SENP7: variants seen among roughly 807,000 people sequenced by gnomAD.
SENP7 encodes SUMO specific peptidase 7.
In SENP7, 64 loss-of-function variants were observed where a neutral mutation model predicts 141.2. The observed-to-expected ratio is 0.45, with a 90% confidence interval of 0.37 to 0.56. The LOEUF (loss-of-function observed/expected upper bound fraction) is 0.56, where lower values mean the gene tolerates loss of function less well. SENP7 is among the 20% of genes least tolerant of loss of function. The probability of loss-of-function intolerance (pLI) is 0.00; values close to 1 mark genes in which losing one functional copy is unlikely to be tolerated. For synonymous variants in SENP7, 382 were observed against 426.4 expected (o/e 0.90, Z 1.28); for missense variants, 1,025 against 1,212.2 (o/e 0.85, Z 2.29).
At chr3:101,342,139 T>C (rs1307586380) in intron 14 of SENP7, among the ~76,000 whole-genome samples, 3 of 152,144 alleles carry the variant, frequency 2.0e-5, no homozygotes, top group East Asian at 3.8e-4. Flanking sequence ...ATGGAAAATA[T>C]ATAAACAATA....
At chr3:101,413,485 T>C (rs774836769) in intron 5 of SENP7, among the ~76,000 whole-genome samples, 16 of 152,170 alleles carry the variant, frequency 1.1e-4, no homozygotes, top group Non-Finnish European at 2.4e-4. Context: ...ATCTCTTTCT[T>C]TTATCCAGCA....
At chr3:101,413,207 C>G (rs910987712) in intron 5 of SENP7, among the ~76,000 whole-genome samples, 5 of 151,984 alleles carry the variant, frequency 3.3e-5, no homozygotes, top group African/African-American at 1.2e-4. Context: ...AATTTTAAGT[C>G]CTGAGTAGAA....
rs766095210 is a variant in SENP7, at chr3:101,343,963, G to A, written c.1838-9C>T. On this transcript the variant is annotated splice_polypyrimidine_tract_variant and intron_variant, in intron 13 of 23. Transcript: ENST00000394095. ...GAATTCACTAGATTTTGCTACAAAA[G>A]GAAAAAATAATTTGTATCAATAGTA... 1.3e-5 allele frequency: 20 copies of A among 1,504,056 alleles called. No individual in the cohort carries two copies. The highest frequency in any genetic ancestry group is 1.3e-4 in the Admixed American group (6 of 45,642). 93.2% of individuals were successfully genotyped at this position (1,504,056 alleles called of 1,614,324 possible). A position where few individuals can be genotyped will look rare whatever the true frequency, so the allele number is the denominator to read the frequency against.
chr3:101,364,836 G>T lies in SENP7; in HGVS notation c.1474C>A (p.Gln492Lys), dbSNP rs777487611. Residue 492 changes from glutamine (Q) to lysine (K), a missense_variant and splice_region_variant, in exon 10 of 24, where the codon CAG (glutamine) becomes AAG (lysine). Physicochemically the swap from Gln to Lys is moderately conservative, Grantham distance 53. Coordinates refer to ENST00000394095, the MANE Select transcript of SENP7 (RefSeq NM_020654.5). Reference sequence around the variant, plus strand: ...ATGAGAAGACAGAAATAAATTACCTGTACAGATTCACATGTAATCAATGGT... The same window carrying T: ...ATGAGAAGACAGAAATAAATTACCTTTACAGATTCACATGTAATCAATGGT... ...ELPLITCESV[Q>K]MSSELCPYNP... is the part of the protein sequence containing the mutation. 18 of 1,580,242 alleles carry T rather than the reference G, an allele frequency of 1.1e-5. No individual in the cohort carries two copies. The Admixed American group carries it at 2.6e-4, about 23-fold the overall frequency.
intron 3 of SENP7, among the ~76,000 whole-genome samples, chr3:101,463,398 C>CACACATAT (rs1474275757): frequency 1.7e-5 from 1 of 58,694 alleles, no homozygotes; most frequent in African/African-American, 6.1e-5. Context: ...TATATATATA[C>CACACATAT]ATATATATAT....
chr3:101,498,515 C>A (rs2065246325), intron 2 of SENP7, among the ~76,000 whole-genome samples: 1 of 152,162 alleles, frequency 6.6e-6, no homozygotes, highest in Admixed American at 6.5e-5. Flanking sequence ...CTACAAAATA[C>A]TGTCCAGTTT....
chr3:101,393,942 GT>G (rs983083935), intron 6 of SENP7, among the ~76,000 whole-genome samples: 24 of 152,310 alleles, frequency 1.6e-4, no homozygotes, highest in African/African-American at 5.8e-4. Context: ...ATCACCTCAA[GT>G]ATTTATCATT....
intron 5 of SENP7, among the ~76,000 whole-genome samples, chr3:101,410,361 C>T (rs1196492939): frequency 6.6e-6 from 1 of 152,122 alleles, no homozygotes; most frequent in South Asian, 2.1e-4. Flanking sequence ...CTGTGGAAAA[C>T]AGTGCGGAGA....
chr3:101,438,100 A>T (rs748524969), intron 4 of SENP7, among the ~76,000 whole-genome samples: 1 of 152,192 alleles, frequency 6.6e-6, no homozygotes, highest in Non-Finnish European at 1.5e-5. Context: ...CCACTTCTGG[A>T]TATACACCCA....
intron 16 of SENP7, among the ~76,000 whole-genome samples, chr3:101,338,078 G>A (rs149206918): frequency 3.3e-5 from 5 of 151,400 alleles, no homozygotes; most frequent in South Asian, 2.1e-4. Context: ...ACTTGAACCC[G>A]AGAGGCAGAG....
intron 6 of SENP7, among the ~76,000 whole-genome samples, chr3:101,394,244 C>G (rs903428924): frequency 6.6e-5 from 10 of 152,118 alleles, no homozygotes; most frequent in African/African-American, 2.2e-4. Flanking sequence ...GTAATGACCT[C>G]TAGTTCCATC....
At chr3:101,501,221 T>A in intron 1 of SENP7, 102 bp from the exon 2 acceptor site, 1 of 786,490 alleles carries the variant, frequency 1.3e-6, no homozygotes, top group Non-Finnish European at 2.0e-6. Flanking sequence ...TGTTTTAAAT[T>A]AACTTGTTAG....
intron 10 of SENP7, among the ~76,000 whole-genome samples, chr3:101,362,402 C>T (rs1353654300): frequency 1.3e-5 from 2 of 152,168 alleles, no homozygotes; most frequent in Non-Finnish European, 2.9e-5. Flanking sequence ...CTCTCCAGGT[C>T]CAGTGTCACT....
Position 101,332,098 on chromosome 3 carries a change from T to C in SENP7, c.2585A>G (p.Tyr862Cys), listed in dbSNP as rs1262682304. 2 of 1,613,276 alleles carry C rather than the reference T, an allele frequency of 1.2e-6. No homozygotes were observed. Among genetic ancestry groups the C allele is most frequent in the Non-Finnish European group, 8.5e-7 (1 of 1,179,546 alleles). Residue 862 changes from tyrosine to cysteine, a missense_variant, in exon 19 of 24, where the codon TAT becomes TGT. By Grantham distance (194) the Tyr-to-Cys change is radical (BLOSUM62 -2). This residue lies in a region of SENP7 where 295 missense variants were observed against 459.1 expected (regional missense o/e 0.64). Coordinates refer to ENST00000394095, the MANE Select transcript of SENP7 (RefSeq NM_020654.5). ...FVPVNESSHW[Y>C]LAVICFPWLE... ...CCATGGAAAACAAATGACTGCGAGA[T>C]ACCAGTGAGACCTGTTGAAAAAGAA...
intron 22 of SENP7, among the ~76,000 whole-genome samples, 163 bp from the exon 23 acceptor site, chr3:101,327,979 G>A (rs902078550): frequency 2.0e-5 from 3 of 152,126 alleles, no homozygotes; most frequent in Non-Finnish European, 4.4e-5. Flanking sequence ...AGGCTCACAA[G>A]TACTACTTTA....
At chr3:101,448,813 G>A (rs1158587170) in intron 4 of SENP7, among the ~76,000 whole-genome samples, 1 of 152,140 alleles carries the variant, frequency 6.6e-6, no homozygotes, top group Admixed American at 6.5e-5. Context: ...CTAAAAATCA[G>A]AGCACCTCTC....
intron 6 of SENP7, among the ~76,000 whole-genome samples, chr3:101,391,294 T>TA (rs1559759097): frequency 6.7e-6 from 1 of 148,862 alleles, no homozygotes; most frequent in Non-Finnish European, 1.5e-5. Context: ...ATCAACATAA[T>TA]AAAAATTGTT....
chr3:101,409,379 A>G (rs956365130), intron 5 of SENP7, among the ~76,000 whole-genome samples: 2 of 152,154 alleles, frequency 1.3e-5, no homozygotes, highest in African/African-American at 4.8e-5. Context: ...GCAATCTACA[A>G]ATTCAATGCA....
chr3:101,365,825 C>CT (rs1456556057), intron 9 of SENP7, among the ~76,000 whole-genome samples: 1 of 152,072 alleles, frequency 6.6e-6, no homozygotes, highest in Non-Finnish European at 1.5e-5. Context: ...CCCTTACCTT[C>CT]TAAAGAATAA....
Sources: gnomAD v4.1 joint callset for allele counts (sites outside exome capture counted in the v4.1 genomes callset) on GRCh38, gnomAD v4.1.1 for gene constraint, gnomAD v4.1.1 regional missense constraint, MANE v1.5 for transcripts, NCBI Gene and HGNC (gene_info 2026-07-23, HGNC 2026-07-21) for gene names.